Variants in INPP4B observed in about 807,000 individuals in gnomAD.
INPP4B encodes the protein inositol polyphosphate 4-phosphatase type II.
INPP4B carries 55 observed loss-of-function variants against 122.5 expected under a neutral mutation model. The ratio of observed to expected loss-of-function variants is 0.45; its 90% confidence interval spans 0.36 to 0.56. The LOEUF is 0.56. Among genes scored for constraint, INPP4B ranks in the 20% least tolerant of loss-of-function variants. The pLI is 0.00. For synonymous variants in INPP4B, 403 were observed against 388.7 expected (o/e 1.04, Z -0.43); for missense variants, 1,000 against 1,097.7 (o/e 0.91, Z 1.26).
intron 17 of INPP4B, among the ~76,000 whole-genome samples, chr4:142,158,330 C>A (rs1441529839): frequency 5.3e-5 from 8 of 152,098 alleles, no homozygotes; most frequent in African/African-American, 1.9e-4. Context: ...TAAGGCTGCA[C>A]TGCGATTGCT....
chr4:142,395,769 A>G (rs1216026541), intron 7 of INPP4B, among the ~76,000 whole-genome samples: 1 of 152,206 alleles, frequency 6.6e-6, no homozygotes, highest in African/African-American at 2.4e-5. Context: ...AAACTTGAAG[A>G]TATTATGCTG....
chr4:142,429,845 T>C (rs993828536), intron 4 of INPP4B, among the ~76,000 whole-genome samples: 1 of 152,050 alleles, frequency 6.6e-6, no homozygotes, highest in African/African-American at 2.4e-5. Context: ...AATGGAACCA[T>C]CTAACAGCTA....
chr4:142,722,957 T>A (rs1490399989), intron 2 of INPP4B, among the ~76,000 whole-genome samples: 1 of 152,144 alleles, frequency 6.6e-6, no homozygotes, highest in Non-Finnish European at 1.5e-5. Context: ...TAATCTGTAA[T>A]AAACCCTTAA....
intron 1 of INPP4B, among the ~76,000 whole-genome samples, chr4:142,821,664 G>A (rs1416198764): frequency 6.6e-6 from 1 of 151,984 alleles, no homozygotes; most frequent in Non-Finnish European, 1.5e-5. Context: ...TAAACAAATA[G>A]AACGATATCT....
intron 2 of INPP4B, among the ~76,000 whole-genome samples, chr4:142,635,510 T>C (rs779558900): frequency 2.6e-5 from 4 of 152,124 alleles, no homozygotes; most frequent in South Asian, 2.1e-4. Context: ...ATATACACCA[T>C]GGAATACCAT....
chr4:142,757,663 A>C (rs1770697561), intron 1 of INPP4B, among the ~76,000 whole-genome samples: 1 of 152,142 alleles, frequency 6.6e-6, no homozygotes, highest in African/African-American at 2.4e-5. Flanking sequence ...GATTTACCAC[A>C]GTTTCTTTAT....
chr4:142,197,737 G>C (rs538206017), intron 14 of INPP4B, among the ~76,000 whole-genome samples: 35 of 152,252 alleles, frequency 2.3e-4, no homozygotes, highest in African/African-American at 7.9e-4. Context: ...CGTTACTTTA[G>C]TAGGTACTCT....
intron 1 of INPP4B, among the ~76,000 whole-genome samples, chr4:142,809,712 C>T (rs1237102824): frequency 2.0e-5 from 3 of 152,094 alleles, no homozygotes; most frequent in Admixed American, 2.0e-4. Context: ...GTGAATGTTG[C>T]ATAAGTTATC....
At chr4:142,622,498 T>C (rs191303447) in intron 2 of INPP4B, among the ~76,000 whole-genome samples, 2 of 152,048 alleles carry the variant, frequency 1.3e-5, no homozygotes, top group Non-Finnish European at 2.9e-5. Context: ...ATAAAACTTT[T>C]TGCACTTCAG....
At chr4:142,253,893 C>T (rs913726645) in intron 11 of INPP4B, among the ~76,000 whole-genome samples, 5 of 152,182 alleles carry the variant, frequency 3.3e-5, no homozygotes, top group Non-Finnish European at 7.3e-5. Context: ...GGCTCCACCT[C>T]TGGGGGCAGG....
intron 1 of INPP4B, among the ~76,000 whole-genome samples, chr4:142,742,739 A>G (rs1768088886): frequency 6.6e-6 from 1 of 152,034 alleles, no homozygotes; most frequent in Admixed American, 6.6e-5. Flanking sequence ...AGTATGAGAT[A>G]TAAGAAGAAC....
intron 8 of INPP4B, among the ~76,000 whole-genome samples, chr4:142,312,422 C>A (rs975967389): frequency 6.6e-6 from 1 of 152,106 alleles, no homozygotes; most frequent in African/African-American, 2.4e-5. Flanking sequence ...GGTCTGGTGC[C>A]AAAAATCACT....
At chr4:142,749,546 G>A (rs1469103413) in intron 1 of INPP4B, among the ~76,000 whole-genome samples, 2 of 150,980 alleles carry the variant, frequency 1.3e-5, no homozygotes, top group Non-Finnish European at 3.0e-5. Flanking sequence ...AAGACTAAAG[G>A]CAGTACTGGG....
chr4:142,116,920 C>G (rs1476949792), intron 21 of INPP4B, among the ~76,000 whole-genome samples: 3 of 151,768 alleles, frequency 2.0e-5, no homozygotes, highest in African/African-American at 7.3e-5. Flanking sequence ...GGTAGCGAAA[C>G]TAATAAAGAA....
At chr4:142,297,481 A>G (rs1759258860) in intron 9 of INPP4B, among the ~76,000 whole-genome samples, 2 of 152,138 alleles carry the variant, frequency 1.3e-5, no homozygotes, top group African/African-American at 4.8e-5. Flanking sequence ...TCCTAGAGAT[A>G]ATGAGTGAGT....
chr4:142,673,341 G>A (rs1389343611), intron 2 of INPP4B, among the ~76,000 whole-genome samples: 2 of 151,500 alleles, frequency 1.3e-5, no homozygotes, highest in African/African-American at 4.9e-5. Flanking sequence ...TTAAAGTTCA[G>A]AGAAAGTCCT....
intron 7 of INPP4B, among the ~76,000 whole-genome samples, chr4:142,362,174 G>C (rs898554258): frequency 2.0e-5 from 3 of 151,954 alleles, no homozygotes; most frequent in African/African-American, 7.2e-5. Flanking sequence ...TGCGTGGGTG[G>C]GAGCCAACTC....
chr4:142,581,157 G>T (rs893850556), intron 2 of INPP4B, among the ~76,000 whole-genome samples: 1 of 151,844 alleles, frequency 6.6e-6, no homozygotes, highest in African/African-American at 2.4e-5. Context: ...AATGCATCAG[G>T]TTAAAAAAAT....
At chr4:142,077,257 A>G (rs1336832276) in intron 25 of INPP4B, among the ~76,000 whole-genome samples, 1 of 151,954 alleles carries the variant, frequency 6.6e-6, no homozygotes, top group Non-Finnish European at 1.5e-5. Flanking sequence ...TCTTCTTACT[A>G]ATGGCATATT....
Sources: gnomAD v4.1 joint callset for allele counts (sites outside exome capture counted in the v4.1 genomes callset) on GRCh38, gnomAD v4.1.1 for gene constraint, MANE v1.5 for transcripts, NCBI Gene and HGNC (gene_info 2026-07-23, HGNC 2026-07-21) for gene names.